Variants in CFAP221 observed in about 807,000 individuals in gnomAD.
The protein encoded by CFAP221 is cilia- and flagella-associated protein 221.
A neutral mutation model predicts 113.1 loss-of-function variants in CFAP221; 97 were observed. The ratio of observed to expected loss-of-function variants is 0.86; its 90% CI spans 0.73 to 1.02. CFAP221 has a LOEUF of 1.02. CFAP221 is among the 50% of genes least tolerant of loss of function. The pLI is 0.00. For synonymous variants in CFAP221, 331 were observed against 354.4 expected (o/e 0.93, Z 0.74); for missense variants, 1,025 against 1,013.4 (o/e 1.01, Z -0.16).
chr2:119,568,852 A>G (rs1574022144), intron 6 of CFAP221, among the ~76,000 whole-genome samples: 1 of 152,126 alleles, frequency 6.6e-6, no homozygotes, highest in Non-Finnish European at 1.5e-5. Context: ...AATTTTCTCT[A>G]AAGAACTTCT....
At chr2:119,633,370 A>T (rs1463217196) in intron 19 of CFAP221, among the ~76,000 whole-genome samples, 1 of 151,818 alleles carries the variant, frequency 6.6e-6, no homozygotes, top group African/African-American at 2.4e-5. Context: ...GATTAATTGG[A>T]CTTTGTCCAA....
At chr2:119,549,023 C>T in intron 2 of CFAP221, 62 bp from the exon 3 acceptor site, 1 of 1,122,930 alleles carries the variant, frequency 8.9e-7, no homozygotes, top group Non-Finnish European at 1.2e-6. Context: ...TAATAAGGAT[C>T]AACTTTAATT....
At chr2:119,610,413 A>G (rs1685070675) in intron 12 of CFAP221, among the ~76,000 whole-genome samples, 1 of 152,154 alleles carries the variant, frequency 6.6e-6, no homozygotes, top group African/African-American at 2.4e-5. Flanking sequence ...ATGGCCTGAG[A>G]GTGAGATGGC....
At chr2:119,637,108 T>A (rs1176074895) in intron 19 of CFAP221, among the ~76,000 whole-genome samples, 1 of 152,192 alleles carries the variant, frequency 6.6e-6, no homozygotes, top group African/African-American at 2.4e-5. Flanking sequence ...AAATCCTGCC[T>A]CAACCACAAG....
At chr2:119,604,244 G>A (rs1428978403) in intron 8 of CFAP221, among the ~76,000 whole-genome samples, 4 of 152,034 alleles carry the variant, frequency 2.6e-5, no homozygotes, top group Admixed American at 6.6e-5. Context: ...GACCATCCTG[G>A]CCAACATGGT....
chr2:119,648,507 C>T, intron 22 of CFAP221: 1 of 257,514 alleles, frequency 3.9e-6, no homozygotes, highest in Non-Finnish European at 9.1e-6. Context: ...AGAAGGCCAC[C>T]AGCCCTGCAT....
chr2:119,646,845 G>T, intron 21 of CFAP221, 113 bp from the exon 22 acceptor site: 1 of 880,282 alleles, frequency 1.1e-6, no homozygotes. Flanking sequence ...AGGGAGGACA[G>T]AGTAGTAGAG....
At chr2:119,657,117 G>A (rs1478663117), downstream of CFAP221, among the ~76,000 whole-genome samples, 1 of 152,182 alleles carries the variant, frequency 6.6e-6, no homozygotes, top group Non-Finnish European at 1.5e-5. Context: ...TTGTGAACAT[G>A]ACTGCCTTCA....
intron 21 of CFAP221, among the ~76,000 whole-genome samples, chr2:119,640,214 C>CA (rs11403185): frequency 0.9 from 128,707 of 143,358 alleles, 58,021 homozygotes; most frequent in South Asian, 0.97. Flanking sequence ...CATCTCAAAA[C>CA]AAAAAAAAAA....
chr2:119,607,510 A>G (rs775196397), intron 11 of CFAP221, among the ~76,000 whole-genome samples: 53 of 152,200 alleles, frequency 3.5e-4, no homozygotes, highest in Non-Finnish European at 5.9e-4. Flanking sequence ...TAGTTTCTTT[A>G]AATTGTGATA....
At chr2:119,562,240 T>A in intron 6 of CFAP221, 126 bp downstream of exon 6, 2 of 486,790 alleles carry the variant, frequency 4.1e-6, no homozygotes, top group Non-Finnish European at 6.4e-6. Flanking sequence ...ACTGGACTTG[T>A]CATTGTAAAA....
intron 7 of CFAP221, among the ~76,000 whole-genome samples, chr2:119,597,160 G>A (rs1684040757): frequency 6.6e-6 from 1 of 152,192 alleles, no homozygotes; most frequent in Non-Finnish European, 1.5e-5. Flanking sequence ...TATGTACCAA[G>A]CACTATCCCA....
chr2:119,574,112 C>T (rs1055683106), intron 6 of CFAP221, among the ~76,000 whole-genome samples: 1 of 152,160 alleles, frequency 6.6e-6, no homozygotes. Context: ...CTTATAAAAG[C>T]CTACCTTGAA....
At position 119,559,735 on chromosome 2, in the gene CFAP221, C is replaced by T. The variant is rs1462768004; in HGVS notation, c.287C>T (p.Pro96Leu). 5.9e-6 allele frequency: 9 copies of T among 1,532,538 alleles called. No individual in the cohort carries two copies. The highest frequency in any genetic ancestry group is 7.0e-6 in the Non-Finnish European group (8 of 1,143,844). The allele number at this position is 1,532,538 out of a possible 1,614,324, so 94.9% of individuals were successfully genotyped here. A position where few individuals can be genotyped will look rare whatever the true frequency, so the allele number is the denominator to read the frequency against. Residue 96 changes from proline to leucine, a missense_variant, in exon 4 of 24, where the codon CCC becomes CTC. By Grantham distance (98) the Pro-to-Leu change is moderately conservative. Transcript: ENST00000413369. Reference protein sequence around the residue: ...SNEDTRVHILPPQTKYFEINY... With the variant: ...SNEDTRVHILLPQTKYFEINY... ...GAAGACACACGTGTTCATATTTTACCCCCGCAAACCAAATACTTTGAGATC... is the reference window on the plus strand; with the variant it reads ...GAAGACACACGTGTTCATATTTTACTCCCGCAAACCAAATACTTTGAGATC...
chr2:119,645,069 C>CT (rs1165927867), intron 21 of CFAP221, among the ~76,000 whole-genome samples: 4 of 123,894 alleles, frequency 3.2e-5, no homozygotes, highest in African/African-American at 1.2e-4. Context: ...TGGGTAATTT[C>CT]TTTTTCTTTT....
At chr2:119,588,583 CT>C (rs1390051214) in intron 7 of CFAP221, among the ~76,000 whole-genome samples, 1 of 152,114 alleles carries the variant, frequency 6.6e-6, no homozygotes, top group Non-Finnish European at 1.5e-5. Context: ...GTATGACACA[CT>C]TAAAAAAATC....
intron 14 of CFAP221, among the ~76,000 whole-genome samples, chr2:119,617,759 A>G (rs895949955): frequency 1.3e-5 from 2 of 152,222 alleles, no homozygotes; most frequent in African/African-American, 4.8e-5. Flanking sequence ...TTGCAAAACT[A>G]AAAGGTGACA....
chr2:119,640,381 G>A (rs1687411061), intron 21 of CFAP221, among the ~76,000 whole-genome samples: 1 of 152,146 alleles, frequency 6.6e-6, no homozygotes, highest in Admixed American at 6.5e-5. Context: ...TACACAATGG[G>A]TAGATCAGAA....
intron 21 of CFAP221, among the ~76,000 whole-genome samples, chr2:119,640,825 G>GGGA (rs1687439260): frequency 6.6e-6 from 1 of 152,208 alleles, no homozygotes; most frequent in African/African-American, 2.4e-5. Context: ...AAACTCACCA[G>GGGA]GGAGGCTACA....
Sources: gnomAD v4.1 joint callset for allele counts (sites outside exome capture counted in the v4.1 genomes callset) on GRCh38, gnomAD v4.1.1 for gene constraint, MANE v1.5 for transcripts, NCBI Gene and HGNC (gene_info 2026-07-23, HGNC 2026-07-21) for gene names.